FRMD5: variants seen among roughly 807,000 people sequenced by gnomAD.
FRMD5 encodes the protein FERM domain containing 5.
Under a neutral mutation model 69.0 loss-of-function variants are expected in FRMD5, and 20 were observed. That is an observed-to-expected ratio of 0.29 (90% confidence interval 0.20 to 0.42). The LOEUF (loss-of-function observed/expected upper bound fraction) is 0.42, where lower values mean the gene tolerates loss of function less well. Ranked by LOEUF, FRMD5 falls within the 10% of genes least tolerant of loss-of-function variation. FRMD5 has a pLI of 1.00. For missense variants in FRMD5, 595 were observed against 708.6 expected (o/e 0.84, Z 1.82); for synonymous variants, 271 against 260.1 (o/e 1.04, Z -0.40).
At chr15:43,901,942 T>G in intron 7 of FRMD5, 1 of 497,074 alleles carries the variant, frequency 2.0e-6, no homozygotes, top group Non-Finnish European at 3.6e-6. Flanking sequence ...AGCTTTGGAT[T>G]TGTTATTTAG....
intron 2 of FRMD5, among the ~76,000 whole-genome samples, chr15:43,920,829 A>G (rs906687431): frequency 2.0e-5 from 3 of 152,156 alleles, no homozygotes; most frequent in African/African-American, 7.2e-5. Context: ...GGCTACTTCA[A>G]TTTAGTGTAA....
intron 1 of FRMD5, among the ~76,000 whole-genome samples, chr15:44,072,414 C>G (rs1407485056): frequency 6.6e-6 from 1 of 152,142 alleles, no homozygotes; most frequent in Non-Finnish European, 1.5e-5. Context: ...CTTGTTATAA[C>G]AGCAAATGAT....
At chr15:44,001,223 C>T (rs1595608459) in intron 1 of FRMD5, among the ~76,000 whole-genome samples, 1 of 152,150 alleles carries the variant, frequency 6.6e-6, no homozygotes, top group African/African-American at 2.4e-5. Context: ...AATGTCTATT[C>T]AGCTCCTATG....
intron 1 of FRMD5, among the ~76,000 whole-genome samples, chr15:43,976,729 C>T (rs1365926568): frequency 2.0e-5 from 3 of 152,086 alleles, no homozygotes; most frequent in African/African-American, 4.8e-5. Flanking sequence ...TGCAATGGTG[C>T]GATCTCGGCT....
intron 7 of FRMD5, among the ~76,000 whole-genome samples, chr15:43,899,851 T>C (rs2089001662): frequency 6.6e-6 from 1 of 152,164 alleles, no homozygotes; most frequent in Non-Finnish European, 1.5e-5. Flanking sequence ...TGTATTTGGG[T>C]TGGAAACCAG....
Position 44,050,615 on chromosome 15 carries a change from A to G in FRMD5, c.103-126306T>C, listed in dbSNP as rs527499572. On this transcript the variant is annotated intron_variant, in intron 1 of 13. Transcript: ENST00000417257. ...GAACTCTTGGGTTCAAGTGATCCTC[A>G]TGCTTCAGCCTCCCAAATTACAGGT... Among the ~76,000 whole-genome samples the G allele has an allele frequency of 3.0e-5, 4 of 134,022 alleles. No homozygotes were observed. The South Asian group carries it at 9.5e-4, about 32-fold the overall frequency. The allele number at this position is 134,022 out of a possible 152,430, so 87.9% of individuals were successfully genotyped here. A position where few individuals can be genotyped will look rare whatever the true frequency, so the allele number is the denominator to read the frequency against.
intron 1 of FRMD5, among the ~76,000 whole-genome samples, chr15:44,039,130 T>A (rs1198582130): frequency 6.6e-6 from 1 of 152,146 alleles, no homozygotes; most frequent in African/African-American, 2.4e-5. Context: ...CCAGACTGCC[T>A]CTCTAGGCAG....
intron 4 of FRMD5, 55 bp from the exon 5 acceptor site, chr15:43,910,034 T>C (rs1222470626): frequency 3.0e-6 from 3 of 991,172 alleles, no homozygotes; most frequent in Admixed American, 1.9e-5. Context: ...GCTTTAAAGA[T>C]AGAAATATGT....
chr15:44,185,948 CA>C (rs2078093221), intron 1 of FRMD5, among the ~76,000 whole-genome samples: 1 of 152,060 alleles, frequency 6.6e-6, no homozygotes, highest in African/African-American at 2.4e-5. Context: ...TGTTTTGAGA[CA>C]GAGTTTCTCT....
intron 1 of FRMD5, among the ~76,000 whole-genome samples, chr15:44,085,293 CAGG>C (rs1018480672): frequency 2.6e-5 from 4 of 152,034 alleles, no homozygotes; most frequent in African/African-American, 9.7e-5. Context: ...AGTGGAAAGA[CAGG>C]AGATTAGACA....
chr15:43,936,340 C>T (rs532625324), intron 1 of FRMD5, among the ~76,000 whole-genome samples: 8 of 152,062 alleles, frequency 5.3e-5, no homozygotes, highest in African/African-American at 1.9e-4. Context: ...CACAGGCATG[C>T]GCCACCACAC....
chr15:43,899,131 C>T (rs1035054047), intron 7 of FRMD5, among the ~76,000 whole-genome samples: 1 of 152,240 alleles, frequency 6.6e-6, no homozygotes, highest in Non-Finnish European at 1.5e-5. Context: ...GTATTTATTA[C>T]ACCAAGTGTG....
intron 10 of FRMD5, among the ~76,000 whole-genome samples, chr15:43,887,266 C>T (rs1309355659): frequency 6.6e-6 from 1 of 152,204 alleles, no homozygotes; most frequent in Non-Finnish European, 1.5e-5. Flanking sequence ...GACCCCAGTT[C>T]TTGGGCTGCT....
At chr15:43,903,164 G>A (rs2089087675) in intron 6 of FRMD5, among the ~76,000 whole-genome samples, 1 of 152,258 alleles carries the variant, frequency 6.6e-6, no homozygotes, top group African/African-American at 2.4e-5. Flanking sequence ...ATAACCATCA[G>A]GCTCTTGCCT....
chr15:43,997,309 A>C (rs1190397774), intron 1 of FRMD5, among the ~76,000 whole-genome samples: 2 of 151,456 alleles, frequency 1.3e-5, no homozygotes, highest in Non-Finnish European at 2.9e-5. Flanking sequence ...TTCTCTGCGC[A>C]CTCCTCTCCC....
At chr15:44,001,357 C>T (rs1566890953) in intron 1 of FRMD5, among the ~76,000 whole-genome samples, 1 of 152,110 alleles carries the variant, frequency 6.6e-6, no homozygotes, top group Admixed American at 6.5e-5. Flanking sequence ...TTCTGTGGGA[C>T]ACTTTTTCAT....
At chr15:44,135,410 C>T (rs1046287287) in intron 1 of FRMD5, among the ~76,000 whole-genome samples, 1 of 152,136 alleles carries the variant, frequency 6.6e-6, no homozygotes, top group Admixed American at 6.6e-5. Context: ...AGTACCTATT[C>T]CTATGCATAC....
At chr15:44,191,640 G>A (rs1298508264) in intron 1 of FRMD5, among the ~76,000 whole-genome samples, 1 of 151,376 alleles carries the variant, frequency 6.6e-6, no homozygotes, top group Non-Finnish European at 1.5e-5. Context: ...AGGGCATGGT[G>A]GTGCACTTCT....
intron 1 of FRMD5, among the ~76,000 whole-genome samples, chr15:44,099,660 T>C (rs2076607869): frequency 6.6e-6 from 1 of 152,174 alleles, no homozygotes; most frequent in Non-Finnish European, 1.5e-5. Flanking sequence ...GAGATGGAGA[T>C]TGTTTGTTGC....
Sources: allele counts gnomAD v4.1 joint callset (sites outside exome capture counted in the v4.1 genomes callset), GRCh38; gene constraint gnomAD v4.1.1; transcripts MANE v1.5; gene names NCBI Gene and HGNC (gene_info 2026-07-23, HGNC 2026-07-21).